NOL10: variants seen among roughly 807,000 people sequenced by gnomAD.
NOL10 encodes the protein nucleolar protein 10.
NOL10 carries 58 observed loss-of-function variants against 103.5 expected under a neutral mutation model. The observed-to-expected ratio is 0.56, with a 90% CI of 0.45 to 0.70. The LOEUF (loss-of-function observed/expected upper bound fraction) is 0.70, where lower values mean the gene tolerates loss of function less well. NOL10 is among the 30% of genes least tolerant of loss of function. NOL10 has a pLI of 0.00. For synonymous variants in NOL10, 287 were observed against 282.5 expected, an observed-to-expected ratio of 1.02 and a Z score of -0.16; for missense variants, 763 against 807.3, an observed-to-expected ratio of 0.95 and a Z score of 0.67.
chr2:10,620,465 C>T (rs187111815), intron 13 of NOL10, among the ~76,000 whole-genome samples: 5 of 152,046 alleles, frequency 3.3e-5, no homozygotes, highest in South Asian at 2.1e-4. Flanking sequence ...CTTGGGGAGG[C>T]GGTCATGCAC....
intron 14 of NOL10, among the ~76,000 whole-genome samples, chr2:10,605,303 T>A (rs569691751): frequency 2.6e-5 from 4 of 152,190 alleles, no homozygotes; most frequent in Non-Finnish European, 5.9e-5. Flanking sequence ...GTTGGCCATA[T>A]CCAGAAGAGT....
At chr2:10,591,875 T>G (rs1357412201) in intron 17 of NOL10, among the ~76,000 whole-genome samples, 1 of 152,094 alleles carries the variant, frequency 6.6e-6, no homozygotes, top group Non-Finnish European at 1.5e-5. Flanking sequence ...TGGTGGTGCA[T>G]GCCTGTAGTC....
intron 4 of NOL10, 141 bp downstream of exon 4, chr2:10,675,653 T>C (rs1681257044): frequency 1.8e-6 from 1 of 559,794 alleles, no homozygotes; most frequent in Non-Finnish European, 3.2e-6. Flanking sequence ...TAAATGGATG[T>C]TTTAAGCCAT....
intron 13 of NOL10, among the ~76,000 whole-genome samples, chr2:10,607,750 T>TTTA (rs373298093): frequency 0.013 from 1,891 of 144,738 alleles, 21 homozygotes; most frequent in Non-Finnish European, 0.017. Context: ...AAAAACAATA[T>TTTA]TTATTATTAT....
intron 12 of NOL10, 130 bp downstream of exon 12, chr2:10,654,351 A>T (rs1159903231): frequency 1.2e-5 from 8 of 651,746 alleles, no homozygotes; most frequent in Middle Eastern, 3.3e-4. Flanking sequence ...ACAAAGCCAA[A>T]TTCTATCTTA....
chr2:10,576,011 G>A (rs1307579183), intron 20 of NOL10, among the ~76,000 whole-genome samples: 1 of 152,236 alleles, frequency 6.6e-6, no homozygotes, highest in Non-Finnish European at 1.5e-5. Context: ...TACTTGGCAA[G>A]CCTCCTGGAT....
chr2:10,688,524 C>T (rs1387566), intron 1 of NOL10, among the ~76,000 whole-genome samples: 80,129 of 152,054 alleles, frequency 0.53, 21,506 homozygotes, highest in Middle Eastern at 0.64. Context: ...TCTTCATCAT[C>T]CAAGTTTCTG....
chr2:10,611,874 C>T lies in NOL10; in HGVS notation c.1027-4563G>A, dbSNP rs1397459873. Among the ~76,000 whole-genome samples, 6 of 152,196 alleles carry T rather than the reference C, an allele frequency of 3.9e-5. No homozygotes were observed. The East Asian group carries it at 1.2e-3, about 29-fold the overall frequency. On this transcript the variant is annotated intron_variant, in intron 13 of 20. Coordinates refer to ENST00000381685, the MANE Select transcript of NOL10 (RefSeq NM_024894.4). ...AGGTTGCAGTGAGCCAAGACTGTGT[C>T]ACTGTACTCCAGCCTGGGTGACAGA...
At chr2:10,586,534 T>C (rs1161111299) in intron 19 of NOL10, among the ~76,000 whole-genome samples, 2 of 152,222 alleles carry the variant, frequency 1.3e-5, no homozygotes, top group African/African-American at 4.8e-5. Flanking sequence ...TTGAATGACA[T>C]GGGTTTGAAC....
intron 2 of NOL10, among the ~76,000 whole-genome samples, chr2:10,682,767 AG>A (rs1191397704): frequency 6.6e-6 from 1 of 151,664 alleles, no homozygotes. Context: ...CCTAAGTAAC[AG>A]GTTTAAGCCC....
At chr2:10,576,122 T>C (rs1306753620) in intron 20 of NOL10, among the ~76,000 whole-genome samples, 1 of 152,124 alleles carries the variant, frequency 6.6e-6, no homozygotes, top group African/African-American at 2.4e-5. Flanking sequence ...AAGCACATGA[T>C]AAAATGCTCA....
chr2:10,636,525 C>T (rs1271290838), intron 13 of NOL10, among the ~76,000 whole-genome samples: 1 of 150,456 alleles, frequency 6.6e-6, no homozygotes, highest in East Asian at 2.0e-4. Context: ...GGAAAATCAC[C>T]TGAGCCCAGA....
intron 13 of NOL10, among the ~76,000 whole-genome samples, chr2:10,642,951 G>C (rs1678811393): frequency 6.6e-6 from 1 of 152,130 alleles, no homozygotes; most frequent in Non-Finnish European, 1.5e-5. Context: ...AAAGAGAAGG[G>C]CAGCACCCTG....
Position 10,572,143 on chromosome 2 carries a change from T to C in NOL10, c.1995A>G (p.Gln665=), listed in dbSNP as rs752537035. 2 of 1,614,038 alleles carry C rather than the reference T, an allele frequency of 1.2e-6. No homozygotes were observed. The highest frequency in any genetic ancestry group is 1.7e-6 in the Non-Finnish European group (2 of 1,179,896). ...CCGAACGACGGAGTCTTTTCCTTTC[T>C]TGTCGATGCAGTTTCTCAGCCTCCT... ...KQQEAEKLHR[Q]ERKRLRRSAG... is the part of the protein sequence containing the mutation. Residue 665 remains glutamine, a synonymous_variant, in exon 21 of 21, where the codon CAA becomes CAG. Transcript: ENST00000381685.
intron 17 of NOL10, among the ~76,000 whole-genome samples, chr2:10,595,297 A>G (rs938447738): frequency 2.0e-5 from 3 of 151,854 alleles, no homozygotes; most frequent in African/African-American, 7.3e-5. Context: ...TTCCTAACAA[A>G]CCTTGGAGAA....
chr2:10,643,830 C>A (rs1474418801), intron 13 of NOL10, among the ~76,000 whole-genome samples: 1 of 152,130 alleles, frequency 6.6e-6, no homozygotes, highest in Non-Finnish European at 1.5e-5. Context: ...TTAAACAGTT[C>A]CCATAAAAGA....
At chr2:10,680,493 T>C (rs1681682397) in intron 3 of NOL10, among the ~76,000 whole-genome samples, 2 of 152,220 alleles carry the variant, frequency 1.3e-5, no homozygotes, top group Non-Finnish European at 2.9e-5. Flanking sequence ...TATCCTAGCT[T>C]TCTTAAGTAC....
At chr2:10,606,637 G>A (rs941147257) in intron 14 of NOL10, among the ~76,000 whole-genome samples, 1 of 149,764 alleles carries the variant, frequency 6.7e-6, no homozygotes, top group Admixed American at 6.7e-5. Context: ...AATACTATCT[G>A]CACATAGTAA....
rs770416852 is a variant in NOL10 at position 10,685,498 on chromosome 2, CCCCCCCCCCGCCA to C, written c.67-899_67-887del. Among the ~76,000 whole-genome samples, 46 of 62,306 alleles carry C rather than the reference CCCCCCCCCCGCCA, an allele frequency of 7.4e-4. 1 individual carries two copies. Among genetic ancestry groups the C allele is most frequent in the Non-Finnish European group, 7.0e-4 (19 of 27,304 alleles). The allele number at this position is 62,306 out of a possible 152,430, so 40.9% of individuals were successfully genotyped here. On this transcript the variant is annotated intron_variant, in intron 1 of 20. Coordinates refer to ENST00000381685, the MANE Select transcript of NOL10 (RefSeq NM_024894.4). ...CTGAGAGAGACTCCGTCCCCCCCCC[CCCCCCCCCCGCCA>C]AAAAAAAAGAAAAAAACAGGCTTAA...
Sources: gnomAD v4.1 joint callset for allele counts (sites outside exome capture counted in the v4.1 genomes callset) on GRCh38, gnomAD v4.1.1 for gene constraint, MANE v1.5 for transcripts, NCBI Gene and HGNC (gene_info 2026-07-23, HGNC 2026-07-21) for gene names.